Variants in MAST2 observed in about 807,000 individuals in gnomAD.
MAST2 encodes the protein microtubule-associated serine/threonine-protein kinase 2.
MAST2 carries 70 observed loss-of-function variants against 147.4 expected under a neutral mutation model. That is an observed-to-expected ratio of 0.47 (90% CI 0.39 to 0.58). MAST2 has a LOEUF of 0.58. Among genes scored for constraint, MAST2 ranks in the 20% least tolerant of loss-of-function variants. The pLI is 0.00. For synonymous variants in MAST2, 869 were observed against 896.8 expected, an observed-to-expected ratio of 0.97 and a Z score of 0.55; for missense variants, 2,080 against 2,302.3, an observed-to-expected ratio of 0.90 and a Z score of 1.98.
chr1:45,857,856 T>G (rs1288498497), intron 3 of MAST2, among the ~76,000 whole-genome samples: 7 of 147,002 alleles, frequency 4.8e-5, no homozygotes, highest in South Asian at 2.2e-4. Context: ...CGGTGTTTTT[T>G]TTTTTTTTTT....
intron 4 of MAST2, among the ~76,000 whole-genome samples, chr1:45,949,623 G>A (rs1396475475): frequency 6.6e-6 from 1 of 152,182 alleles, no homozygotes; most frequent in Non-Finnish European, 1.5e-5. Context: ...GTTGGTGGGA[G>A]TGTAATTTAG....
intron 3 of MAST2, among the ~76,000 whole-genome samples, chr1:45,876,197 T>C (rs909504412): frequency 3.3e-5 from 5 of 152,190 alleles, no homozygotes; most frequent in African/African-American, 1.2e-4. Context: ...CCAAGAATGG[T>C]TTAAATGGGC....
intron 3 of MAST2, among the ~76,000 whole-genome samples, chr1:45,860,411 A>C (rs937581780): frequency 4.6e-5 from 7 of 151,722 alleles, no homozygotes; most frequent in Non-Finnish European, 8.8e-5. Context: ...ATTTATGTGA[A>C]GCAAGAATCA....
chr1:45,970,109 A>C (rs939290515), intron 5 of MAST2, among the ~76,000 whole-genome samples: 1 of 152,226 alleles, frequency 6.6e-6, no homozygotes, highest in Non-Finnish European at 1.5e-5. Flanking sequence ...GCTTGTTAAG[A>C]ACAGAATGCT....
intron 2 of MAST2, among the ~76,000 whole-genome samples, chr1:45,825,439 CTT>C (rs34084411): frequency 1.4e-5 from 2 of 145,204 alleles, no homozygotes; most frequent in African/African-American, 2.5e-5. Flanking sequence ...ATTATCTTCT[CTT>C]TTTTTTTTTG....
chr1:45,973,275 C>T (rs1455250325), intron 5 of MAST2, among the ~76,000 whole-genome samples: 1 of 152,110 alleles, frequency 6.6e-6, no homozygotes, highest in Non-Finnish European at 1.5e-5. Context: ...TGAACCTCTC[C>T]ACTACCCTAC....
chr1:45,814,616 G>T (rs1027664144), intron 1 of MAST2, among the ~76,000 whole-genome samples: 1 of 152,038 alleles, frequency 6.6e-6, no homozygotes, highest in Non-Finnish European at 1.5e-5. Flanking sequence ...GCAAAACCCC[G>T]TCACTACTAA....
chr1:45,937,138 G>A (rs538212551), intron 4 of MAST2, among the ~76,000 whole-genome samples: 9 of 147,126 alleles, frequency 6.1e-5, no homozygotes, highest in South Asian at 2.1e-4. Context: ...ATCTCACTAC[G>A]TTGCCCAGGG....
At chr1:45,858,140 A>G (rs1645854696) in intron 3 of MAST2, among the ~76,000 whole-genome samples, 1 of 152,134 alleles carries the variant, frequency 6.6e-6, no homozygotes, top group Non-Finnish European at 1.5e-5. Flanking sequence ...TAATGGGATT[A>G]CTGGGTCAAA....
chr1:45,847,156 G>C (rs1269475781), intron 3 of MAST2: 1 of 503,602 alleles, frequency 2.0e-6, no homozygotes, highest in African/African-American at 2.0e-5. Flanking sequence ...AATTTCTTCA[G>C]ATCAAAGTCC....
intron 1 of MAST2, among the ~76,000 whole-genome samples, chr1:45,815,436 C>T (rs1644423509): frequency 6.6e-6 from 1 of 152,132 alleles, no homozygotes; most frequent in Admixed American, 6.6e-5. Context: ...TCCCTAAGTG[C>T]TGGGATTACA....
Position 46,028,847 on chromosome 1 carries a change from T to C in MAST2, c.2132T>C (p.Met711Thr). The change falls in exon 18 of 29, where the codon ATG (methionine) becomes ACG (threonine). Residue 711 changes from methionine to threonine, a missense_variant. Physicochemically the swap from Met to Thr is moderately conservative, Grantham distance 81 (BLOSUM62 -1). Transcript: ENST00000361297. ...GGGAAGCCAGTGGACTGGTGGGCCA[T>C]GGGCATTATCCTGTATGAGTTCCTG... ...GYGKPVDWWA[M>T]GIILYEFLVG... is the part of the protein sequence containing the mutation. The C allele has an allele frequency of 1.2e-6, 2 of 1,614,134 alleles. No homozygotes were observed. The highest frequency in any genetic ancestry group is 1.7e-6 in the Non-Finnish European group (2 of 1,180,006).
chr1:45,931,927 G>T (rs1023455330), intron 4 of MAST2, among the ~76,000 whole-genome samples: 10 of 152,300 alleles, frequency 6.6e-5, no homozygotes, highest in African/African-American at 2.4e-4. Context: ...CTGGGTTCAG[G>T]TAATCCTCCT....
intron 5 of MAST2, among the ~76,000 whole-genome samples, chr1:45,967,736 A>C (rs1433045716): frequency 6.6e-6 from 1 of 152,150 alleles, no homozygotes; most frequent in Non-Finnish European, 1.5e-5. Context: ...TACTGAAAAA[A>C]TTTGTGTATA....
At chr1:45,916,235 G>A (rs1470353928) in intron 4 of MAST2, among the ~76,000 whole-genome samples, 3 of 152,072 alleles carry the variant, frequency 2.0e-5, no homozygotes, top group African/African-American at 7.2e-5. Context: ...ATAACAATAC[G>A]AGAAACTAAC....
chr1:46,030,779 A>G lies in MAST2; in HGVS notation c.2708+18A>G. On this transcript the variant is annotated intron_variant, in intron 22 of 28. Transcript: ENST00000361297. ...CCTGAGATGTGAGCACCCAGAGTTC[A>G]CCCAGGGTGGGCGACACAGCTATCC... is the stretch of plus-strand genomic sequence containing the variant. 2.6e-6 allele frequency: 4 copies of G among 1,556,952 alleles called. No individual in the cohort carries two copies. Among genetic ancestry groups the G allele is most frequent in the African/African-American group, 1.4e-5 (1 of 72,914 alleles).
intron 1 of MAST2, among the ~76,000 whole-genome samples, chr1:45,819,450 T>C (rs1644554800): frequency 6.6e-6 from 1 of 152,180 alleles, no homozygotes; most frequent in East Asian, 1.9e-4. Context: ...TGATCTTATA[T>C]TTGGCAAAAG....
At chr1:45,845,187 G>GTT (rs1408482720) in intron 3 of MAST2, among the ~76,000 whole-genome samples, 2 of 152,170 alleles carry the variant, frequency 1.3e-5, no homozygotes, top group Non-Finnish European at 2.9e-5. Flanking sequence ...GAATACATGG[G>GTT]AGAACGTTTA....
chr1:45,930,364 C>T (rs1655076934), intron 4 of MAST2, among the ~76,000 whole-genome samples: 1 of 151,306 alleles, frequency 6.6e-6, no homozygotes, highest in Admixed American at 6.6e-5. Flanking sequence ...CAGATGTGAG[C>T]CACCGCGCCT....
Sources: allele counts gnomAD v4.1 joint callset (sites outside exome capture counted in the v4.1 genomes callset), GRCh38; gene constraint gnomAD v4.1.1; transcripts MANE v1.5; gene names NCBI Gene and HGNC (gene_info 2026-07-23, HGNC 2026-07-21).